KDM4C: variants seen among roughly 807,000 people sequenced by gnomAD.
The protein encoded by KDM4C is lysine demethylase 4C.
Under a neutral mutation model 129.3 loss-of-function variants are expected in KDM4C, and 81 were observed. The ratio of observed to expected loss-of-function variants is 0.63; its 90% CI spans 0.52 to 0.75. The LOEUF (loss-of-function observed/expected upper bound fraction) is 0.75, where lower values mean the gene tolerates loss of function less well. Ranked by LOEUF, KDM4C falls within the 30% of genes least tolerant of loss-of-function variation. KDM4C has a pLI of 0.00. For synonymous variants in KDM4C, 573 were observed against 456.1 expected (o/e 1.26, Z -3.26); for missense variants, 1,457 against 1,304.0 (o/e 1.12, Z -1.81).
intron 1 of KDM4C, among the ~76,000 whole-genome samples, chr9:6,783,441 G>A (rs564868263): frequency 8.5e-5 from 13 of 152,326 alleles, no homozygotes; most frequent in African/African-American, 2.9e-4. Flanking sequence ...GTGCCTAGCA[G>A]ACTGGACTGA....
In KDM4C at chr9:6,933,944, G is replaced by A. The variant is rs185457828; in HGVS notation, c.921+40712G>A. On this transcript the variant is annotated intron_variant, in intron 8 of 21. Transcript: ENST00000381309. Reference sequence around the variant, plus strand: ...GGCTCATGACAATCTCCACCTGCTGGGTTCAAGTGATTCTCCTGCCATAGC... The same window carrying A: ...GGCTCATGACAATCTCCACCTGCTGAGTTCAAGTGATTCTCCTGCCATAGC... Among the ~76,000 whole-genome samples, 393 of 152,068 alleles carry A rather than the reference G, an allele frequency of 2.6e-3. 1 individual carries two copies. The highest frequency in any genetic ancestry group is 9.0e-3 in the African/African-American group (375 of 41,502).
At chr9:7,147,646 A>C (rs918002152) in intron 19 of KDM4C, among the ~76,000 whole-genome samples, 2 of 152,148 alleles carry the variant, frequency 1.3e-5, no homozygotes, top group African/African-American at 2.4e-5. Flanking sequence ...GGGGTGTTCT[A>C]CAGGAGGACA....
chr9:7,049,144 G>A lies in KDM4C; in HGVS notation c.2368G>A (p.Val790Ile). Reference protein sequence around the residue: ...VAVPEVRFTNVPERTQIDVGR... With the variant: ...VAVPEVRFTNIPERTQIDVGR... ...GGTCCCAGAAGTTCGATTCACTAAT[G>A]TCCCAGAAAGGACACAAATAGATGT... Residue 790 changes from valine to isoleucine, a missense_variant, in exon 17 of 22, where the codon GTC becomes ATC. Transcript: ENST00000381309. 1 of 1,612,580 alleles carries A rather than the reference G, an allele frequency of 6.2e-7. No individual in the cohort carries two copies. The highest frequency in any genetic ancestry group is 1.3e-5 in the African/African-American group (1 of 74,912).
intron 1 of KDM4C, among the ~76,000 whole-genome samples, chr9:6,740,417 A>C (rs1470946250): frequency 1.3e-5 from 2 of 151,566 alleles, no homozygotes; most frequent in Admixed American, 6.6e-5. Flanking sequence ...GTTAGCCAGG[A>C]TGGTCTTGAT....
In KDM4C at chr9:6,893,104, G is replaced by T; in HGVS notation, c.793G>T (p.Glu265Ter). ...GTTTCCTACCTTGCAGATAACCCAG[G>T]AGGCTGGAGAATTCATGATCACTTT... ...YGIPFDKITQ[E>*]AGEFMITFPY... is the part of the protein sequence containing the mutation. Residue 265 changes from glutamate to a stop codon, truncating the protein, a stop_gained, in exon 8 of 22, where the codon GAG becomes TAG. Coordinates refer to ENST00000381309, the MANE Select transcript of KDM4C (RefSeq NM_015061.6). LOFTEE classifies it high-confidence loss of function. 1 of 1,580,426 alleles carries T rather than the reference G, an allele frequency of 6.3e-7. No individual in the cohort carries two copies. Among genetic ancestry groups the T allele is most frequent in the African/African-American group, 1.4e-5 (1 of 73,268 alleles).
intron 15 of KDM4C, among the ~76,000 whole-genome samples, chr9:7,032,258 G>A (rs1013168313): frequency 4.6e-5 from 7 of 152,172 alleles, no homozygotes; most frequent in African/African-American, 1.7e-4. Context: ...TGAATCTGAA[G>A]GCAACTTTCT....
At chr9:7,140,083 T>C (rs1841588410) in intron 19 of KDM4C, among the ~76,000 whole-genome samples, 1 of 152,174 alleles carries the variant, frequency 6.6e-6, no homozygotes, top group Non-Finnish European at 1.5e-5. Flanking sequence ...CCTGAGATCT[T>C]ATCCAGAAGC....
chr9:6,829,923 A>G (rs926823348), intron 4 of KDM4C, among the ~76,000 whole-genome samples: 7 of 152,238 alleles, frequency 4.6e-5, no homozygotes, highest in Admixed American at 2.0e-4. Context: ...TAAGATATAA[A>G]AGCCTGTGTT....
Position 6,805,791 on chromosome 9 carries a change from T to A in KDM4C, c.320+17T>A. 6.3e-7 allele frequency: 1 copy of A among 1,599,216 alleles called. No individual in the cohort carries two copies. Among genetic ancestry groups the A allele is most frequent in the Non-Finnish European group, 8.5e-7 (1 of 1,172,384 alleles). On this transcript the variant is annotated intron_variant, in intron 3 of 21. Transcript: ENST00000381309. Reference sequence around the variant, plus strand: ...CAGTGGCAAGTGAGTAGAATCAGTTTGCTATTTCTGTTTCCTTCAAAGATT... The same window carrying A: ...CAGTGGCAAGTGAGTAGAATCAGTTAGCTATTTCTGTTTCCTTCAAAGATT...
chr9:7,169,297 T>A (rs1844718361), intron 20 of KDM4C, among the ~76,000 whole-genome samples: 1 of 152,134 alleles, frequency 6.6e-6, no homozygotes, highest in Non-Finnish European at 1.5e-5. Flanking sequence ...TTTCCAAGAA[T>A]TTTGGCCTGT....
chr9:7,044,961 A>G (rs182623592), intron 15 of KDM4C, among the ~76,000 whole-genome samples: 2 of 152,126 alleles, frequency 1.3e-5, no homozygotes, highest in East Asian at 3.9e-4. Flanking sequence ...AGGAAGGATC[A>G]ACAGTGTTGT....
chr9:6,964,638 C>T (rs1053876285), intron 8 of KDM4C, among the ~76,000 whole-genome samples: 31 of 151,940 alleles, frequency 2.0e-4, no homozygotes, highest in African/African-American at 7.0e-4. Flanking sequence ...AAAAATTAGC[C>T]GGGTGTGGTG....
At position 6,737,037 on chromosome 9, in the gene KDM4C, C is replaced by A. The variant is rs1329338160; in HGVS notation, c.49+16040C>A. Among the ~76,000 whole-genome samples, 3 of 121,170 alleles carry A rather than the reference C, an allele frequency of 2.5e-5. No individual in the cohort carries two copies. In the South Asian group the frequency reaches 7.9e-4, roughly 32 times the overall value. 79.5% of individuals were successfully genotyped at this position (121,170 alleles called of 152,430 possible). On this transcript the variant is annotated intron_variant, in intron 1 of 17. Coordinates refer to the KDM4C transcript ENST00000536108. The stretch of plus-strand genomic sequence containing the variant: ...CTACATTCCAGACTGGGCGACACAG[C>A]GAGATTCTGTCTCAAAAAAAAAAAA...
At chr9:6,930,280 T>A (rs10975908) in intron 8 of KDM4C, among the ~76,000 whole-genome samples, 11,284 of 152,226 alleles carry the variant, frequency 0.074, 1,154 homozygotes, top group African/African-American at 0.23. Context: ...AGAATAACGC[T>A]GCCCCATTCT....
intron 8 of KDM4C, among the ~76,000 whole-genome samples, chr9:6,944,652 G>GTTTTTTTTTTTTTTTTTTTTTTTTTTT (rs1158199897): frequency 4.9e-5 from 4 of 80,994 alleles, no homozygotes; most frequent in Middle Eastern, 8.5e-3. Context: ...CAAGGTAGAG[G>GTTTTTTTTTTTTTTTTTTTTTTTTTTT]TTTTTTTTTT....
intron 18 of KDM4C, among the ~76,000 whole-genome samples, chr9:7,119,259 C>A (rs1162025606): frequency 6.6e-6 from 1 of 152,126 alleles, no homozygotes; most frequent in Non-Finnish European, 1.5e-5. Flanking sequence ...TTTCCCAAGT[C>A]TACTGTTAAA....
chr9:6,890,754 T>A (rs12006046), intron 7 of KDM4C, among the ~76,000 whole-genome samples: 1 of 152,146 alleles, frequency 6.6e-6, no homozygotes, highest in African/African-American at 2.4e-5. Context: ...CTCCCTCTCC[T>A]CTCACCTTTA....
chr9:6,992,783 C>G (rs1418512912), intron 12 of KDM4C, among the ~76,000 whole-genome samples: 1 of 152,196 alleles, frequency 6.6e-6, no homozygotes, highest in African/African-American at 2.4e-5. Context: ...TTTTGCACTC[C>G]TCATACGTAG....
chr9:6,985,336 C>T lies in KDM4C; in HGVS notation c.1354+932C>T, dbSNP rs532104882. 3.3e-5 allele frequency among the ~76,000 whole-genome samples: 5 copies of T among 152,376 alleles called. 1 individual carries two copies. In the South Asian group the frequency reaches 1.0e-3, roughly 32 times the overall value. On this transcript the variant is annotated intron_variant, in intron 10 of 21. Coordinates refer to ENST00000381309, the MANE Select transcript of KDM4C (RefSeq NM_015061.6). ...AACTGGTCCTCAGCTGCTACTCCAG[C>T]CTCATTGCCTTTGCTCTTGAAATAG...
Sources: gnomAD v4.1 joint callset for allele counts (sites outside exome capture counted in the v4.1 genomes callset) on GRCh38, gnomAD v4.1.1 for gene constraint, MANE v1.5 for transcripts, NCBI Gene and HGNC (gene_info 2026-07-23, HGNC 2026-07-21) for gene names.